Variants in TEX26 observed in about 807,000 individuals in gnomAD.
TEX26 encodes the protein testis expressed 26.
In TEX26, 34 loss-of-function variants were observed where a neutral mutation model predicts 35.3. That is an observed-to-expected ratio of 0.96 (90% confidence interval 0.73 to 1.28). The LOEUF (loss-of-function observed/expected upper bound fraction) is 1.28, where lower values mean the gene tolerates loss of function less well. Ranked by LOEUF, TEX26 falls within the 50% of genes most tolerant of loss-of-function variation. The probability of loss-of-function intolerance (pLI) is 0.00; values close to 1 mark genes in which losing one functional copy is unlikely to be tolerated. For missense variants in TEX26, 371 were observed against 330.1 expected, an observed-to-expected ratio of 1.12 and a Z score of -0.96; for synonymous variants, 136 against 111.8, an observed-to-expected ratio of 1.22 and a Z score of -1.36.
intron 1 of TEX26, among the ~76,000 whole-genome samples, chr13:30,935,690 G>A (rs1401711302): frequency 2.6e-5 from 4 of 152,298 alleles, no homozygotes; most frequent in Non-Finnish European, 2.9e-5. Flanking sequence ...GAGGAGCTAC[G>A]CTGCCTAGGG....
chr13:30,942,399 T>C (rs1321458311), intron 2 of TEX26, among the ~76,000 whole-genome samples: 2 of 152,182 alleles, frequency 1.3e-5, no homozygotes, highest in South Asian at 2.1e-4. Context: ...TTGAGTTCCT[T>C]GTAGATTTGG....
intron 1 of TEX26, among the ~76,000 whole-genome samples, chr13:30,934,558 C>T (rs745667556): frequency 6.6e-6 from 1 of 152,196 alleles, no homozygotes; most frequent in Non-Finnish European, 1.5e-5. Context: ...TGCACTCCCT[C>T]TACAGGCCCT....
chr13:30,957,504 A>G (rs1227944331), intron 4 of TEX26, among the ~76,000 whole-genome samples: 1 of 152,156 alleles, frequency 6.6e-6, no homozygotes, highest in African/African-American at 2.4e-5. Context: ...CCCAGAAGCA[A>G]TTAAGAGGTT....
At chr13:30,935,387 G>C (rs113319958) in intron 1 of TEX26, among the ~76,000 whole-genome samples, 1 of 152,234 alleles carries the variant, frequency 6.6e-6, no homozygotes, top group Non-Finnish European at 1.5e-5. Context: ...TCCAGCCTGC[G>C]CATGGCCACC....
At chr13:30,971,955 G>A (rs1261986204) in intron 6 of TEX26, among the ~76,000 whole-genome samples, 1 of 152,202 alleles carries the variant, frequency 6.6e-6, no homozygotes, top group Admixed American at 6.5e-5. Context: ...TTCCTAGCCT[G>A]TGATTCAATA....
At position 30,966,394 on chromosome 13, in the gene TEX26, TCTAGGTGAGTA is replaced by T; in HGVS notation, c.644_646+8del. The stretch of plus-strand genomic sequence containing the variant: ...CAAGCTTGCCTGTTGCTTCTCAGGG[TCTAGGTGAGTA>T]CAGCTGCAGTTTCTTTTTCTTTTTC... On this transcript the variant is annotated splice_donor_variant and splice_donor_5th_base_variant and coding_sequence_variant and intron_variant, in exon 5 of 7. Coordinates refer to ENST00000380473, the MANE Select transcript of TEX26 (RefSeq NM_152325.3). LOFTEE classifies it high-confidence loss of function. 1 of 1,611,544 alleles carries T rather than the reference TCTAGGTGAGTA, an allele frequency of 6.2e-7. No homozygotes were observed. Among genetic ancestry groups the T allele is most frequent in the Non-Finnish European group, 8.5e-7 (1 of 1,178,602 alleles).
chr13:30,932,803 C>T lies in TEX26; in HGVS notation c.61+27C>T, dbSNP rs772646892. The T allele has an allele frequency of 4.3e-6, 7 of 1,609,498 alleles. No individual in the cohort carries two copies. In the East Asian group the frequency reaches 6.7e-5, roughly 15 times the overall value. ...TAAGACAGCAGACTCTGCCGGTCTGCGGGGCGGGGCTGGGGTCTTTCCCGG... is the reference window on the plus strand; with the variant it reads ...TAAGACAGCAGACTCTGCCGGTCTGTGGGGCGGGGCTGGGGTCTTTCCCGG... On this transcript the variant is annotated intron_variant, in intron 1 of 6. Transcript: ENST00000380473.
chr13:30,966,563 G>A (rs1160811042), intron 5 of TEX26, among the ~76,000 whole-genome samples, 165 bp downstream of exon 5: 9 of 148,934 alleles, frequency 6.0e-5, no homozygotes, highest in Admixed American at 1.4e-4. Context: ...TCAGCCTCCC[G>A]AGTAGCTAGG....
At chr13:30,946,239 T>C (rs1382754102) in intron 2 of TEX26, among the ~76,000 whole-genome samples, 2 of 151,970 alleles carry the variant, frequency 1.3e-5, no homozygotes, top group Non-Finnish European at 2.9e-5. Flanking sequence ...TTCTAGTCTG[T>C]TAAAACTTTC....
intron 2 of TEX26, among the ~76,000 whole-genome samples, chr13:30,948,104 G>A (rs926547632): frequency 2.6e-5 from 4 of 152,132 alleles, no homozygotes; most frequent in Non-Finnish European, 5.9e-5. Context: ...ATTCCATGGT[G>A]TATATGTGTC....
At chr13:30,958,562 G>A (rs1954221598) in intron 4 of TEX26, among the ~76,000 whole-genome samples, 3 of 152,094 alleles carry the variant, frequency 2.0e-5, no homozygotes, top group Admixed American at 6.6e-5. Context: ...GTTCACCCGA[G>A]GACAGGAGAA....
chr13:30,944,720 G>C (rs909338710), intron 2 of TEX26, among the ~76,000 whole-genome samples: 4 of 151,922 alleles, frequency 2.6e-5, no homozygotes, highest in African/African-American at 9.7e-5. Flanking sequence ...TGCAGGAGCA[G>C]ATTGTTTAAT....
intron 1 of TEX26, among the ~76,000 whole-genome samples, chr13:30,938,302 T>C (rs1407667645): frequency 1.3e-5 from 2 of 152,238 alleles, no homozygotes; most frequent in African/African-American, 4.8e-5. Context: ...TGCTGGTATC[T>C]ACCTGTCTTA....
At chr13:30,947,807 T>C (rs1233855770) in intron 2 of TEX26, among the ~76,000 whole-genome samples, 1 of 152,186 alleles carries the variant, frequency 6.6e-6, no homozygotes, top group African/African-American at 2.4e-5. Context: ...GCTACATATG[T>C]ATACATGTGC....
rs567266855 is a variant in TEX26, at chr13:30,965,172, T to C, written c.470-1050T>C. Among the ~76,000 whole-genome samples the C allele has an allele frequency of 4.6e-5, 7 of 152,260 alleles. No individual in the cohort carries two copies. The South Asian group carries it at 1.5e-3, about 32-fold the overall frequency. On this transcript the variant is annotated intron_variant, in intron 4 of 6. Coordinates refer to ENST00000380473, the MANE Select transcript of TEX26 (RefSeq NM_152325.3). ...CCATGCCCTCTCCTCCTGAGTTATC[T>C]AAAGTAAGAGGCAACATGTACTGGA...
intron 4 of TEX26, among the ~76,000 whole-genome samples, chr13:30,962,547 C>T (rs563965789): frequency 5.3e-5 from 8 of 152,318 alleles, no homozygotes; most frequent in East Asian, 1.9e-4. Context: ...ATTGGCCTTC[C>T]CATGTGTTTT....
intron 5 of TEX26, among the ~76,000 whole-genome samples, chr13:30,967,831 G>A (rs1234910841): frequency 6.6e-6 from 1 of 152,176 alleles, no homozygotes; most frequent in Non-Finnish European, 1.5e-5. Flanking sequence ...TGATTTGGGT[G>A]TTGCCTGCAC....
At chr13:30,969,119 G>T in intron 6 of TEX26, 73 bp downstream of exon 6, 2 of 1,325,710 alleles carry the variant, frequency 1.5e-6, no homozygotes, top group Non-Finnish European at 2.0e-6. Context: ...ACTGTTCCAA[G>T]TTCTAGCCAC....
chr13:30,965,560 G>A (rs1310199532), intron 4 of TEX26, among the ~76,000 whole-genome samples: 1 of 152,160 alleles, frequency 6.6e-6, no homozygotes, highest in Non-Finnish European at 1.5e-5. Context: ...TAAGTGAGAT[G>A]GATTGTGACT....
Sources: gnomAD v4.1 joint callset for allele counts (sites outside exome capture counted in the v4.1 genomes callset) on GRCh38, gnomAD v4.1.1 for gene constraint, MANE v1.5 for transcripts, NCBI Gene and HGNC (gene_info 2026-07-23, HGNC 2026-07-21) for gene names.